The following DAB1 variants were observed in gnomAD, a reference collection of about 807,000 sequenced individuals.
The protein encoded by DAB1 is DAB adaptor protein 1.
In DAB1, 15 loss-of-function variants were observed where a neutral mutation model predicts 64.6. The observed-to-expected ratio is 0.23, with a 90% CI of 0.16 to 0.36. The LOEUF (loss-of-function observed/expected upper bound fraction) is 0.36. Ranked by LOEUF, DAB1 falls within the 10% of genes least tolerant of loss-of-function variation. DAB1 has a pLI of 1.00. For missense variants in DAB1, 596 were observed against 706.7 expected, an observed-to-expected ratio of 0.84 and a Z score of 1.78; for synonymous variants, 235 against 251.9, an observed-to-expected ratio of 0.93 and a Z score of 0.64.
chr1:57,953,670 C>A (rs561729327), intron 5 of DAB1, among the ~76,000 whole-genome samples: 8 of 152,124 alleles, frequency 5.3e-5, no homozygotes, highest in Non-Finnish European at 1.2e-4. Context: ...TTGTTAAGGA[C>A]GCCATCAAGC....
At chr1:57,586,689 C>A (rs1189169989) in intron 7 of DAB1, among the ~76,000 whole-genome samples, 1 of 151,930 alleles carries the variant, frequency 6.6e-6, no homozygotes, top group Non-Finnish European at 1.5e-5. Context: ...GAAACTGAAT[C>A]ATTCTTCCAG....
intron 7 of DAB1, among the ~76,000 whole-genome samples, chr1:57,579,868 G>C (rs1302360871): frequency 1.3e-5 from 2 of 152,192 alleles, no homozygotes; most frequent in Admixed American, 6.5e-5. Context: ...CATCAGGAAA[G>C]CTCAGAGGTT....
chr1:58,048,118 C>T, intron 5 of DAB1: 1 of 980,048 alleles, frequency 1.0e-6, no homozygotes, highest in Non-Finnish European at 1.6e-6. Context: ...CTGTTGTAAC[C>T]TATAGCTTCC....
chr1:58,257,897 C>T (rs1162352926), intron 4 of DAB1, among the ~76,000 whole-genome samples: 2 of 152,198 alleles, frequency 1.3e-5, no homozygotes, highest in African/African-American at 4.8e-5. Context: ...AGTGACAGGA[C>T]CTGGGCCCCT....
At chr1:57,897,342 C>A (rs569338948) in intron 5 of DAB1, among the ~76,000 whole-genome samples, 1 of 152,164 alleles carries the variant, frequency 6.6e-6, no homozygotes, top group South Asian at 2.1e-4. Flanking sequence ...AACAAGAGAA[C>A]GAGACAGGCA....
At chr1:57,173,417 G>C (rs1004618556) in intron 2 of DAB1, among the ~76,000 whole-genome samples, 2 of 152,064 alleles carry the variant, frequency 1.3e-5, no homozygotes, top group Admixed American at 1.3e-4. Context: ...TTAAAAATAT[G>C]GTATAATATT....
At chr1:57,048,058 C>G (rs530421079) in intron 9 of DAB1, among the ~76,000 whole-genome samples, 1 of 152,162 alleles carries the variant, frequency 6.6e-6, no homozygotes, top group African/African-American at 2.4e-5. Context: ...TTATTCAATT[C>G]TTAAAAGAAC....
chr1:58,226,185 T>G (rs74077940), intron 4 of DAB1, among the ~76,000 whole-genome samples: 8,348 of 152,174 alleles, frequency 0.055, 781 homozygotes, highest in African/African-American at 0.19. Flanking sequence ...TGTTTCATAA[T>G]ATGTTGGGGC....
chr1:58,446,404 A>C (rs1645068166), intron 3 of DAB1, among the ~76,000 whole-genome samples: 1 of 152,194 alleles, frequency 6.6e-6, no homozygotes, highest in Admixed American at 6.5e-5. Flanking sequence ...GAAGCTGTTA[A>C]TATTCATTTT....
intron 1 of DAB1, among the ~76,000 whole-genome samples, chr1:57,861,828 A>T (rs1654050069): frequency 6.7e-6 from 1 of 150,280 alleles, no homozygotes; most frequent in Non-Finnish European, 1.5e-5. Flanking sequence ...AAATATGAAG[A>T]TATGCTATTG....
chr1:58,232,336 T>C (rs1457595448), intron 4 of DAB1, among the ~76,000 whole-genome samples: 1 of 152,208 alleles, frequency 6.6e-6, no homozygotes, highest in Admixed American at 6.5e-5. Context: ...TCAGCATGCC[T>C]AACTCATGGG....
At chr1:58,107,068 G>A (rs891999393) in intron 5 of DAB1, among the ~76,000 whole-genome samples, 1 of 151,214 alleles carries the variant, frequency 6.6e-6, no homozygotes, top group African/African-American at 2.5e-5. Context: ...CAGCCTCCTG[G>A]AGCTTAATAG....
At chr1:57,011,601 G>C (rs946696474) in intron 12 of DAB1, among the ~76,000 whole-genome samples, 10 of 152,172 alleles carry the variant, frequency 6.6e-5, no homozygotes. Flanking sequence ...CTGAATCACA[G>C]ACTCTGTGTT....
intron 4 of DAB1, among the ~76,000 whole-genome samples, chr1:58,293,714 C>T (rs534684860): frequency 9.8e-5 from 15 of 152,324 alleles, no homozygotes; most frequent in African/African-American, 3.4e-4. Flanking sequence ...ACAACAAATT[C>T]AGCAAATTGG....
At chr1:58,491,645 A>T (rs888577975) in intron 3 of DAB1, among the ~76,000 whole-genome samples, 12 of 152,216 alleles carry the variant, frequency 7.9e-5, no homozygotes, top group Admixed American at 7.2e-4. Flanking sequence ...CTTTAAACCA[A>T]CAAAGATCAA....
chr1:58,332,349 C>G (rs1662989116), intron 4 of DAB1, among the ~76,000 whole-genome samples: 1 of 152,160 alleles, frequency 6.6e-6, no homozygotes, highest in South Asian at 2.1e-4. Flanking sequence ...CATGTTCCCC[C>G]AGGTTTCCTT....
At chr1:57,177,677 A>AAG (rs1486201382) in intron 2 of DAB1, among the ~76,000 whole-genome samples, 1 of 152,154 alleles carries the variant, frequency 6.6e-6, no homozygotes, top group African/African-American at 2.4e-5. Context: ...ATTCCATATA[A>AAG]GGTAAGTGGA....
chr1:58,124,778 A>G (rs567000644), intron 5 of DAB1, among the ~76,000 whole-genome samples: 2 of 152,334 alleles, frequency 1.3e-5, no homozygotes, highest in East Asian at 3.9e-4. Context: ...TTCCTTATAT[A>G]TAAAACAAGA....
chr1:57,686,611 T>G (rs977963642), intron 6 of DAB1, among the ~76,000 whole-genome samples: 5 of 152,052 alleles, frequency 3.3e-5, no homozygotes, highest in African/African-American at 1.2e-4. Flanking sequence ...AAAGAAAACT[T>G]CAGACCATAT....
Sources: gnomAD v4.1 joint callset for allele counts (sites outside exome capture counted in the v4.1 genomes callset) on GRCh38, gnomAD v4.1.1 for gene constraint, MANE v1.5 for transcripts, NCBI Gene and HGNC (gene_info 2026-07-23, HGNC 2026-07-21) for gene names.